The following WDFY4 variants were observed in gnomAD, a reference collection of about 807,000 sequenced individuals.
The protein encoded by WDFY4 is WDFY family member 4, also known as WD repeat- and FYVE domain-containing protein 4.
WDFY4 carries 169 observed loss-of-function variants against 351.9 expected under a neutral mutation model. The observed-to-expected ratio is 0.48, with a 90% CI of 0.42 to 0.55. The LOEUF is 0.55. Among genes scored for constraint, WDFY4 ranks in the 20% least tolerant of loss-of-function variants. The pLI is 0.00. For synonymous variants in WDFY4, 1,622 were observed against 1,574.6 expected, an observed-to-expected ratio of 1.03 and a Z score of -0.71; for missense variants, 3,803 against 3,935.6, an observed-to-expected ratio of 0.97 and a Z score of 0.90.
At chr10:48,938,474 C>T (rs1043256829) in intron 47 of WDFY4, among the ~76,000 whole-genome samples, 3 of 152,262 alleles carry the variant, frequency 2.0e-5, no homozygotes, top group African/African-American at 7.2e-5. Context: ...ACAGGCTGCT[C>T]TGCCAGCCCC....
At chr10:48,820,549 T>A (rs903984582) in intron 33 of WDFY4, 112 bp downstream of exon 33, 1 of 1,169,796 alleles carries the variant, frequency 8.5e-7, no homozygotes, top group Non-Finnish European at 1.2e-6. Flanking sequence ...CCACAGCGAG[T>A]GAAGGGGAAT....
intron 28 of WDFY4, among the ~76,000 whole-genome samples, chr10:48,810,144 A>C (rs2067399692): frequency 6.6e-6 from 1 of 152,234 alleles, no homozygotes; most frequent in Non-Finnish European, 1.5e-5. Context: ...AGGGAGGGGA[A>C]TATTCATTAT....
At chr10:48,870,098 A>G (rs73312070) in intron 40 of WDFY4, among the ~76,000 whole-genome samples, 8,914 of 152,258 alleles carry the variant, frequency 0.059, 892 homozygotes, top group African/African-American at 0.2. Flanking sequence ...ACCATTCATA[A>G]CAACTCAGAT....
At chr10:48,783,286 A>G (rs2066286572) in intron 19 of WDFY4, among the ~76,000 whole-genome samples, 1 of 152,134 alleles carries the variant, frequency 6.6e-6, no homozygotes, top group African/African-American at 2.4e-5. Flanking sequence ...GATTTATAAT[A>G]CCTAATACAA....
At chr10:48,764,260 C>T (rs1033393426) in intron 13 of WDFY4, among the ~76,000 whole-genome samples, 6 of 152,312 alleles carry the variant, frequency 3.9e-5, no homozygotes, top group African/African-American at 9.6e-5. Context: ...GTGGTCCTTT[C>T]GTTCCAGAGG....
chr10:48,879,981 A>G (rs1209083375), intron 43 of WDFY4, among the ~76,000 whole-genome samples: 1 of 152,202 alleles, frequency 6.6e-6, no homozygotes, highest in Non-Finnish European at 1.5e-5. Context: ...TCCCTGTTTT[A>G]AGGTCAGCTG....
At chr10:48,889,659 T>C (rs550219844) in intron 43 of WDFY4, among the ~76,000 whole-genome samples, 9 of 152,346 alleles carry the variant, frequency 5.9e-5, no homozygotes, top group African/African-American at 1.9e-4. Context: ...GGGTTTACTA[T>C]GTAAGGACCC....
chr10:48,955,435 T>G (rs1841538693), intron 51 of WDFY4, among the ~76,000 whole-genome samples: 1 of 152,172 alleles, frequency 6.6e-6, no homozygotes, highest in Non-Finnish European at 1.5e-5. Context: ...ACCTTGGGTG[T>G]GTGGTAGGTT....
intron 13 of WDFY4, among the ~76,000 whole-genome samples, chr10:48,765,137 G>C (rs887907410): frequency 6.6e-6 from 1 of 152,244 alleles, no homozygotes; most frequent in Non-Finnish European, 1.5e-5. Flanking sequence ...GGCTAGAAAG[G>C]TCTCTTGAAG....
Position 48,958,053 on chromosome 10 carries a change from C to G in WDFY4, c.8131+771C>G, listed in dbSNP as rs200867717. ...CATACCTCGGGCTCTAGAGCCCCCC[C>G]TCGTCAGTGTTCTCCTTCTGCCTCC... On this transcript the variant is annotated intron_variant, in intron 52 of 61. Transcript: ENST00000325239. 1.2e-4 allele frequency among the ~76,000 whole-genome samples: 19 copies of G among 152,310 alleles called. No homozygotes were observed. In the East Asian group the frequency reaches 2.9e-3, roughly 23 times the overall value.
In WDFY4 at chr10:48,897,457, C is replaced by T. The variant is rs1163605162; in HGVS notation, c.7320C>T (p.Ile2440=). The T allele has an allele frequency of 2.3e-5, 36 of 1,551,114 alleles. No individual in the cohort carries two copies. Among genetic ancestry groups the T allele is most frequent in the Non-Finnish European group, 3.0e-5 (34 of 1,146,718 alleles). ...VYCTRHCLSN[I]SDPFIFNLCS... ...TGCATGCCTGTTTCCTTTTCAGCAT[C>T]AGCGATCCGTTCATTTTCAACCTGT... is the stretch of plus-strand genomic sequence containing the variant. The change falls in exon 45 of 62, where the codon ATC becomes ATT. Residue 2440 remains isoleucine (I), a synonymous_variant. Transcript: ENST00000325239.
intron 37 of WDFY4, among the ~76,000 whole-genome samples, chr10:48,830,239 C>G (rs573622039): frequency 6.6e-6 from 1 of 152,306 alleles, no homozygotes; most frequent in Admixed American, 6.5e-5. Context: ...GTTCCTGAGC[C>G]GTGAGCCACA....
intron 1 of WDFY4, among the ~76,000 whole-genome samples, chr10:48,706,370 T>G (rs948950998): frequency 6.6e-6 from 1 of 152,076 alleles, no homozygotes; most frequent in African/African-American, 2.4e-5. Flanking sequence ...AAAGAACCCA[T>G]GAAATGAGAA....
intron 31 of WDFY4, among the ~76,000 whole-genome samples, chr10:48,816,910 G>C (rs1364834936): frequency 6.6e-6 from 1 of 152,116 alleles, no homozygotes; most frequent in African/African-American, 2.4e-5. Flanking sequence ...TCTGTGTCAG[G>C]AAAGCATCAT....
intron 18 of WDFY4, 74 bp downstream of exon 18, chr10:48,778,906 C>T: frequency 1.3e-6 from 2 of 1,490,896 alleles, no homozygotes; most frequent in African/African-American, 1.4e-5. Flanking sequence ...GCTCTCAACA[C>T]AGGTGTGGTT....
chr10:48,806,241 G>A, intron 27 of WDFY4, 146 bp downstream of exon 27: 1 of 713,862 alleles, frequency 1.4e-6, no homozygotes, highest in Non-Finnish European at 2.4e-6. Flanking sequence ...GGCCTGTGAG[G>A]CTGTCATTTT....
In WDFY4 at chr10:48,729,519, A is replaced by C. The variant is rs997000639; in HGVS notation, c.1059A>C (p.Ser353=). ...TGTGGCTGACAACCTGTGGGAGGTC[A>C]GAGCTGAAGGTGTTTGACAGCATCA... The part of the protein sequence containing the change: ...LVVWLTTCGR[S]ELKVFDSITY... Residue 353 remains serine, a synonymous_variant, in exon 8 of 62, where the codon TCA becomes TCC. Coordinates refer to ENST00000325239, the MANE Select transcript of WDFY4 (RefSeq NM_001394531.1). 14 of 1,551,630 alleles carry C rather than the reference A, an allele frequency of 9.0e-6. No homozygotes were observed. In the African/African-American group the frequency reaches 1.9e-4, roughly 21 times the overall value.
chr10:48,788,956 C>A (rs2066587273), intron 21 of WDFY4, among the ~76,000 whole-genome samples: 1 of 152,222 alleles, frequency 6.6e-6, no homozygotes, highest in African/African-American at 2.4e-5. Context: ...ACATTGAAAA[C>A]ACTATTGAGC....
intron 39 of WDFY4, among the ~76,000 whole-genome samples, chr10:48,854,471 C>T (rs185574127): frequency 6.6e-6 from 1 of 152,126 alleles, no homozygotes; most frequent in South Asian, 2.1e-4. Context: ...CCAACAGTCT[C>T]ACTAGGCGAT....
Sources: gnomAD v4.1 joint callset for allele counts (sites outside exome capture counted in the v4.1 genomes callset) on GRCh38, gnomAD v4.1.1 for gene constraint, MANE v1.5 for transcripts, NCBI Gene and HGNC (gene_info 2026-07-23, HGNC 2026-07-21) for gene names.